The following NEO1 variants were observed in gnomAD, a reference collection of about 807,000 sequenced individuals.
The protein encoded by NEO1 is neogenin 1, also known as neogenin.
In NEO1, 63 loss-of-function variants were observed where a neutral mutation model predicts 159.7. The observed-to-expected ratio is 0.39, with a 90% CI of 0.32 to 0.49. The LOEUF is 0.49. Among genes scored for constraint, NEO1 ranks in the 20% least tolerant of loss-of-function variants. NEO1 has a pLI of 0.85. For synonymous variants in NEO1, 633 were observed against 662.0 expected, an observed-to-expected ratio of 0.96 and a Z score of 0.67; for missense variants, 1,615 against 1,831.0, an observed-to-expected ratio of 0.88 and a Z score of 2.15.
At chr15:73,119,170 A>C (rs1164919177) in intron 2 of NEO1, among the ~76,000 whole-genome samples, 3 of 152,180 alleles carry the variant, frequency 2.0e-5, no homozygotes, top group Non-Finnish European at 4.4e-5. Flanking sequence ...GAATGATGAA[A>C]AGGTTCTGAA....
At chr15:73,199,975 A>G (rs1246683030) in intron 7 of NEO1, among the ~76,000 whole-genome samples, 3 of 152,164 alleles carry the variant, frequency 2.0e-5, no homozygotes, top group African/African-American at 7.2e-5. Flanking sequence ...ACACCTCTTA[A>G]TACTGCTACA....
At chr15:73,071,618 T>C (rs951299061) in intron 1 of NEO1, among the ~76,000 whole-genome samples, 3 of 152,030 alleles carry the variant, frequency 2.0e-5, no homozygotes, top group African/African-American at 4.8e-5. Context: ...GCCTTGACCT[T>C]GTGGGCTGAG....
At chr15:73,064,936 G>A (rs774554317) in intron 1 of NEO1, among the ~76,000 whole-genome samples, 4 of 151,842 alleles carry the variant, frequency 2.6e-5, no homozygotes, top group Non-Finnish European at 4.4e-5. Context: ...TGCTTATTCT[G>A]TATTCCCCTT....
chr15:73,273,987 C>G lies in NEO1; in HGVS notation c.3142C>G (p.Gln1048Glu). 6.2e-7 allele frequency: 1 copy of G among 1,613,812 alleles called. No individual in the cohort carries two copies. The highest frequency in any genetic ancestry group is 8.5e-7 in the Non-Finnish European group (1 of 1,179,842). The change falls in exon 20 of 29, where the codon CAA (glutamine) becomes GAA (glutamate). Residue 1048 changes from glutamine (Q) to glutamate (E), a missense_variant. Physicochemically the swap from Gln to Glu is conservative, Grantham distance 29. Transcript: ENST00000261908. ...CATGGGACCCATGTCTGAAGCTGTC[C>G]AATTCAGAACACCTAAAGGTAATGC... ...KGMGPMSEAVQFRTPKADSSD... is the reference protein window; with the variant it reads ...KGMGPMSEAVEFRTPKADSSD...
intron 7 of NEO1, among the ~76,000 whole-genome samples, chr15:73,233,145 G>T (rs1314038823): frequency 6.6e-6 from 1 of 152,108 alleles, no homozygotes; most frequent in Non-Finnish European, 1.5e-5. Flanking sequence ...TTGATACTCT[G>T]TGATAACATA....
intron 27 of NEO1, among the ~76,000 whole-genome samples, chr15:73,299,233 A>G (rs879300485): frequency 2.0e-5 from 3 of 152,182 alleles, no homozygotes; most frequent in Non-Finnish European, 4.4e-5. Context: ...TTGAGCACCT[A>G]AAAGAGCTTT....
intron 21 of NEO1, 132 bp from the exon 22 acceptor site, chr15:73,277,999 G>A (rs2041495257): frequency 5.9e-6 from 4 of 678,344 alleles, no homozygotes; most frequent in Non-Finnish European, 9.9e-6. Context: ...CATGATTTAT[G>A]TGCTACTTTA....
chr15:73,288,536 C>G lies in NEO1; in HGVS notation c.3634C>G (p.Arg1212Gly). Reference sequence around the variant, plus strand: ...CATGGACAGCAATATCCATCAAAGGCGAAATTCATACAGAGGTACCATTTT... The same window carrying G: ...CATGGACAGCAATATCCATCAAAGGGGAAATTCATACAGAGGTACCATTTT... The part of the protein sequence containing the change: ...NSMDSNIHQR[R>G]NSYRGHESED... The change falls in exon 24 of 29, where the codon CGA (arginine) becomes GGA (glycine). Residue 1212 changes from arginine to glycine, a missense_variant. By Grantham distance (125) the Arg-to-Gly change is moderately radical. Around this residue, in one of 3 missense-constraint regions of NEO1, gnomAD observed 471 missense variants for 498.9 expected, o/e 0.94. Coordinates refer to ENST00000261908, the MANE Select transcript of NEO1 (RefSeq NM_002499.4). 1 of 1,613,368 alleles carries G rather than the reference C, an allele frequency of 6.2e-7. No homozygotes were observed. The highest frequency in any genetic ancestry group is 1.3e-5 in the African/African-American group (1 of 74,988).
intron 27 of NEO1, among the ~76,000 whole-genome samples, chr15:73,299,641 TC>T: frequency 6.6e-6 from 1 of 152,292 alleles, no homozygotes; most frequent in Admixed American, 6.5e-5. Context: ...CACCTCGGCC[TC>T]CCAAAGTGCT....
intron 1 of NEO1, among the ~76,000 whole-genome samples, chr15:73,070,871 T>C (rs114536738): frequency 0.01 from 1,558 of 152,306 alleles, 33 homozygotes; most frequent in African/African-American, 0.036. Context: ...AAAGCAAAAC[T>C]GTGGATAAGG....
chr15:73,301,500 C>T, intron 28 of NEO1, 43 bp downstream of exon 28: 1 of 1,613,210 alleles, frequency 6.2e-7, no homozygotes, highest in Non-Finnish European at 8.5e-7. Context: ...TGCCTGGGAA[C>T]ATGCCCCAGG....
At chr15:73,298,216 G>T in intron 26 of NEO1, 132 bp from the exon 27 acceptor site, 1 of 1,075,036 alleles carries the variant, frequency 9.3e-7, no homozygotes. Flanking sequence ...GCTAATCCAT[G>T]TTCTCTTGGA....
chr15:73,166,276 G>T (rs1007860800), intron 5 of NEO1, among the ~76,000 whole-genome samples: 6 of 152,070 alleles, frequency 3.9e-5, no homozygotes, highest in Non-Finnish European at 4.4e-5. Flanking sequence ...TATAGTTGCT[G>T]GTAAAAAGTA....
At chr15:73,240,705 G>A (rs149859915) in intron 8 of NEO1, among the ~76,000 whole-genome samples, 3 of 152,296 alleles carry the variant, frequency 2.0e-5, no homozygotes, top group African/African-American at 4.8e-5. Context: ...GCCTAGATAC[G>A]TGCTAGTCGT....
intron 28 of NEO1, 77 bp from the exon 29 acceptor site, chr15:73,302,536 C>T (rs2042662684): frequency 9.7e-6 from 13 of 1,346,842 alleles, no homozygotes; most frequent in Non-Finnish European, 1.4e-5. Context: ...CCACATGAGG[C>T]TTTGGCCTCT....
intron 18 of NEO1, among the ~76,000 whole-genome samples, chr15:73,271,658 G>T (rs2041173629): frequency 1.3e-5 from 2 of 152,282 alleles, no homozygotes; most frequent in Middle Eastern, 3.4e-3. Flanking sequence ...TGTAATCCCA[G>T]TGCTTTGGGA....
At chr15:73,115,834 C>T (rs560371862) in intron 1 of NEO1, among the ~76,000 whole-genome samples, 6 of 152,200 alleles carry the variant, frequency 3.9e-5, no homozygotes, top group South Asian at 2.1e-4. Flanking sequence ...TAATTCCTTC[C>T]GTGCTCTTTA....
intron 18 of NEO1, among the ~76,000 whole-genome samples, chr15:73,271,493 C>T (rs931131481): frequency 2.0e-5 from 3 of 152,206 alleles, no homozygotes; most frequent in Admixed American, 6.5e-5. Context: ...GTTGCATAAA[C>T]GAACAGCTTC....
At chr15:73,252,634 C>T (rs2040135927) in intron 11 of NEO1, among the ~76,000 whole-genome samples, 1 of 152,158 alleles carries the variant, frequency 6.6e-6, no homozygotes, top group African/African-American at 2.4e-5. Context: ...TTACCCAGTT[C>T]AGTCACTTGC....
Sources: allele counts gnomAD v4.1 joint callset (sites outside exome capture counted in the v4.1 genomes callset), GRCh38; gene constraint gnomAD v4.1.1; regional missense constraint gnomAD v4.1.1; transcripts MANE v1.5; gene names NCBI Gene and HGNC (gene_info 2026-07-23, HGNC 2026-07-21).